The following CPB2 variants were observed in gnomAD, a reference collection of about 807,000 sequenced individuals.
CPB2 encodes the protein carboxypeptidase B-like protein.
In CPB2, 54 loss-of-function variants were observed where a neutral mutation model predicts 57.0. The observed-to-expected ratio is 0.95, with a 90% CI of 0.76 to 1.19. The LOEUF is 1.19. Ranked by LOEUF, CPB2 falls within the 50% of genes most tolerant of loss-of-function variation. The pLI is 0.00. For missense variants in CPB2, 426 were observed against 512.0 expected, an observed-to-expected ratio of 0.83 and a Z score of 1.62; for synonymous variants, 189 against 178.1, an observed-to-expected ratio of 1.06 and a Z score of -0.49.
intron 10 of CPB2, among the ~76,000 whole-genome samples, chr13:46,054,970 C>G (rs890433536): frequency 6.6e-6 from 1 of 151,658 alleles, no homozygotes; most frequent in Non-Finnish European, 1.5e-5. Flanking sequence ...AGTCTGGTCT[C>G]GAACTCCTGA....
intron 1 of CPB2, among the ~76,000 whole-genome samples, 170 bp downstream of exon 1, chr13:46,104,766 C>A (rs570825655): frequency 3.7e-4 from 57 of 152,264 alleles, no homozygotes; most frequent in Non-Finnish European, 1.8e-4. Context: ...TTAGTGATAG[C>A]CCATTGTGCT....
chr13:46,072,172 T>G (rs2044952427), intron 6 of CPB2, among the ~76,000 whole-genome samples: 1 of 152,168 alleles, frequency 6.6e-6, no homozygotes, highest in Non-Finnish European at 1.5e-5. Flanking sequence ...CTTCTCAAAG[T>G]GTAGTGTAGT....
At chr13:46,073,339 A>T in intron 6 of CPB2, 1 of 231,296 alleles carries the variant, frequency 4.3e-6, no homozygotes, top group Non-Finnish European at 7.1e-6. Flanking sequence ...TATATCTTTT[A>T]CTTTTCCAAC....
At chr13:46,102,159 T>C (rs1342093045) in intron 1 of CPB2, among the ~76,000 whole-genome samples, 2 of 152,214 alleles carry the variant, frequency 1.3e-5, no homozygotes, top group African/African-American at 2.4e-5. Flanking sequence ...CTATTAATAA[T>C]TCAGAAGCCC....
chr13:46,080,698 T>C (rs2045099206), intron 4 of CPB2, among the ~76,000 whole-genome samples: 1 of 152,068 alleles, frequency 6.6e-6, no homozygotes, highest in East Asian at 1.9e-4. Context: ...AGGCTGGGCA[T>C]GGTGGCTCAC....
chr13:46,085,531 C>A (rs2045189679), intron 2 of CPB2, among the ~76,000 whole-genome samples: 1 of 152,198 alleles, frequency 6.6e-6, no homozygotes, highest in Admixed American at 6.5e-5. Context: ...TCTTGCCAGA[C>A]TGAGACTGAC....
intron 9 of CPB2, among the ~76,000 whole-genome samples, chr13:46,056,961 T>A (rs74949798): frequency 7.6e-4 from 116 of 152,354 alleles, no homozygotes; most frequent in Non-Finnish European, 1.5e-3. Flanking sequence ...GTACTGTCTG[T>A]GCCACGTATT....
chr13:46,104,223 C>T (rs1242174627), intron 1 of CPB2, among the ~76,000 whole-genome samples: 2 of 152,032 alleles, frequency 1.3e-5, no homozygotes, highest in Non-Finnish European at 2.9e-5. Flanking sequence ...GAGGAGAAAG[C>T]GATCATAGAA....
At chr13:46,087,185 A>C (rs1034399082) in intron 2 of CPB2, among the ~76,000 whole-genome samples, 1 of 152,212 alleles carries the variant, frequency 6.6e-6, no homozygotes, top group Non-Finnish European at 1.5e-5. Flanking sequence ...CCTGGGGAGC[A>C]TGAGGCTGCC....
chr13:46,061,547 G>C (rs1029901328), intron 8 of CPB2, among the ~76,000 whole-genome samples: 5 of 152,196 alleles, frequency 3.3e-5, no homozygotes, highest in Non-Finnish European at 7.4e-5. Context: ...AGGGAGGTTT[G>C]TGCAGAAAGA....
intron 2 of CPB2, among the ~76,000 whole-genome samples, chr13:46,086,969 G>C (rs2045216900): frequency 6.6e-6 from 1 of 152,254 alleles, no homozygotes; most frequent in African/African-American, 2.4e-5. Flanking sequence ...AACTCGGAGA[G>C]ACCAGACAGT....
intron 5 of CPB2, among the ~76,000 whole-genome samples, chr13:46,074,710 T>G (rs2044995090): frequency 6.6e-6 from 1 of 152,148 alleles, no homozygotes; most frequent in African/African-American, 2.4e-5. Context: ...CCCCAACCTT[T>G]TTGGCACTAG....
intron 1 of CPB2, among the ~76,000 whole-genome samples, chr13:46,095,968 C>T (rs1459971090): frequency 2.7e-5 from 4 of 145,842 alleles, no homozygotes; most frequent in Admixed American, 7.1e-5. Context: ...TACAATTCTG[C>T]CTCGTGGGTT....
At chr13:46,078,554 G>A (rs1030965189) in intron 5 of CPB2, among the ~76,000 whole-genome samples, 3 of 152,094 alleles carry the variant, frequency 2.0e-5, no homozygotes, top group African/African-American at 7.2e-5. Flanking sequence ...CCCTTAGGGT[G>A]GGTACTAATC....
chr13:46,080,345 C>T (rs909439199), intron 4 of CPB2, among the ~76,000 whole-genome samples: 1 of 152,140 alleles, frequency 6.6e-6, no homozygotes, highest in South Asian at 2.1e-4. Flanking sequence ...GAAAGAAGCA[C>T]TTAGAGGAAT....
intron 6 of CPB2, among the ~76,000 whole-genome samples, chr13:46,069,874 C>G (rs1050817880): frequency 1.3e-5 from 2 of 152,118 alleles, no homozygotes; most frequent in African/African-American, 4.8e-5. Context: ...CATATGGTAA[C>G]TCTATACTTA....
chr13:46,073,863 G>T lies in CPB2; in HGVS notation c.591+10C>A. On this transcript the variant is annotated intron_variant, in intron 6 of 10. Coordinates refer to ENST00000181383, the MANE Select transcript of CPB2 (RefSeq NM_001872.5). ...TTGAGAAATAGGGTTAAGAGAATGT[G>T]AATACTTACATGGCCTATGAACCAC... The T allele has an allele frequency of 6.6e-7, 1 of 1,512,854 alleles. No individual in the cohort carries two copies. The highest frequency in any genetic ancestry group is 9.0e-7 in the Non-Finnish European group (1 of 1,105,802). 93.7% of individuals were successfully genotyped at this position (1,512,854 alleles called of 1,614,324 possible).
At chr13:46,090,655 C>T (rs1178276723) in intron 1 of CPB2, among the ~76,000 whole-genome samples, 2 of 151,540 alleles carry the variant, frequency 1.3e-5, no homozygotes, top group African/African-American at 4.9e-5. Flanking sequence ...AGCCACTGCA[C>T]ACAGCCCATT....
chr13:46,062,792 G>A (rs1566398953), intron 8 of CPB2, among the ~76,000 whole-genome samples: 1 of 152,224 alleles, frequency 6.6e-6, no homozygotes, highest in Non-Finnish European at 1.5e-5. Flanking sequence ...AATAAGGTAA[G>A]TGCTTTGTTG....
Sources: gnomAD v4.1 joint callset for allele counts (sites outside exome capture counted in the v4.1 genomes callset) on GRCh38, gnomAD v4.1.1 for gene constraint, MANE v1.5 for transcripts, NCBI Gene and HGNC (gene_info 2026-07-23, HGNC 2026-07-21) for gene names.